The following ITPR3 variants were observed in gnomAD, a reference collection of about 807,000 sequenced individuals.
ITPR3 encodes the protein inositol 1,4,5-trisphosphate-gated calcium channel ITPR3.
In ITPR3, 173 loss-of-function variants were observed where a neutral mutation model predicts 293.2. That is an observed-to-expected ratio of 0.59 (90% CI 0.52 to 0.67). The LOEUF (loss-of-function observed/expected upper bound fraction) is 0.67, where lower values mean the gene tolerates loss of function less well. Among genes scored for constraint, ITPR3 ranks in the 30% least tolerant of loss-of-function variants. The pLI, the probability that ITPR3 is intolerant of heterozygous loss-of-function variation, is 0.00. For missense variants in ITPR3, 2,796 were observed against 3,592.1 expected, an observed-to-expected ratio of 0.78 and a Z score of 5.66; for synonymous variants, 1,295 against 1,444.4, an observed-to-expected ratio of 0.90 and a Z score of 2.35.
At chr6:33,685,288 G>A in intron 39 of ITPR3, 71 bp from the exon 40 acceptor site, 1 of 1,435,356 alleles carries the variant, frequency 7.0e-7, no homozygotes. Flanking sequence ...AGTGTGGTGT[G>A]CCTGCCCCAC....
intron 51 of ITPR3, 120 bp from the exon 52 acceptor site, chr6:33,690,797 G>C: frequency 1.1e-6 from 1 of 888,952 alleles, no homozygotes; most frequent in Non-Finnish European, 1.8e-6. Context: ...GACCTCCCTG[G>C]AGGAGCCTTG....
At chr6:33,641,112 C>T (rs1341987603) in intron 2 of ITPR3, among the ~76,000 whole-genome samples, 3 of 152,242 alleles carry the variant, frequency 2.0e-5, no homozygotes, top group African/African-American at 7.2e-5. Context: ...CAAGTGACTT[C>T]GTTCACGGGA....
chr6:33,646,866 G>A (rs1481302890), intron 2 of ITPR3, among the ~76,000 whole-genome samples: 2 of 152,138 alleles, frequency 1.3e-5, no homozygotes, highest in East Asian at 1.9e-4. Flanking sequence ...GCAGTGAGCC[G>A]TGATTGCACC....
chr6:33,693,638 T>G lies in ITPR3; in HGVS notation c.7718T>G (p.Val2573Gly), dbSNP rs1057006265. 1 of 1,614,242 alleles carries G rather than the reference T, an allele frequency of 6.2e-7. No individual in the cohort carries two copies. The highest frequency in any genetic ancestry group is 8.5e-7 in the Non-Finnish European group (1 of 1,180,040). The change falls in exon 56 of 58, where the codon GTG becomes GGG. Residue 2573 changes from valine (V) to glycine (G), a missense_variant. Transcript: ENST00000605930. ...ATGTGGAACTACTTGTACTTCATTG[T>G]GCTGGTCCGCGTGAAGAACAAGACC... Reference protein sequence around the residue: ...HNMWNYLYFIVLVRVKNKTDY... With the variant: ...HNMWNYLYFIGLVRVKNKTDY...
chr6:33,689,819 C>G (rs895488987), intron 50 of ITPR3, among the ~76,000 whole-genome samples: 5 of 152,206 alleles, frequency 3.3e-5, no homozygotes, highest in Non-Finnish European at 7.3e-5. Flanking sequence ...CTTCTCTGTC[C>G]CCATCCTCCG....
At chr6:33,622,583 C>T (rs559056106) in intron 1 of ITPR3, among the ~76,000 whole-genome samples, 4 of 152,268 alleles carry the variant, frequency 2.6e-5, no homozygotes, top group African/African-American at 9.6e-5. Flanking sequence ...AGTCTGGGGG[C>T]CTGGGTTAAA....
rs1194650758 is a variant in ITPR3 at position 33,655,715 on chromosome 6, C to A, written c.161-51C>A. On this transcript the variant is annotated intron_variant, in intron 2 of 57. Transcript: ENST00000605930. The surrounding 1 kb of genome is among the most constrained non-coding windows in gnomAD (Gnocchi z 4.9). ...GGCTGGGGTTTTCTCCAGGGAGGGC[C>A]CTGAGCCCCAGATGAATCATTCCCC... 1 of 1,611,404 alleles carries A rather than the reference C, an allele frequency of 6.2e-7. No homozygotes were observed. The highest frequency in any genetic ancestry group is 1.1e-5 in the South Asian group (1 of 90,830).
intron 1 of ITPR3, among the ~76,000 whole-genome samples, chr6:33,637,037 T>C (rs1313931807): frequency 1.3e-5 from 2 of 152,080 alleles, no homozygotes; most frequent in Non-Finnish European, 2.9e-5. Flanking sequence ...GCCTGCAAAA[T>C]GGAAATAACA....
Position 33,674,261 on chromosome 6 carries a change from G to A in ITPR3, c.3112G>A (p.Val1038Met). 1 of 1,614,044 alleles carries A rather than the reference G, an allele frequency of 6.2e-7. No homozygotes were observed. Among genetic ancestry groups the A allele is most frequent in the African/African-American group, 1.3e-5 (1 of 75,066 alleles). ...IGEQAEAMFG[V>M]GKTSSMLEVD... ...GGAGCAGGCGGAGGCCATGTTTGGAGTGGGGTGAGGCCAGGGTTGAGCTGC... is the reference window on the plus strand; with the variant it reads ...GGAGCAGGCGGAGGCCATGTTTGGAATGGGGTGAGGCCAGGGTTGAGCTGC... Residue 1038 changes from valine (V) to methionine (M), a missense_variant, in exon 24 of 58, where the codon GTG becomes ATG. By Grantham distance (21) the Val-to-Met change is conservative (BLOSUM62 1). Around this residue, in one of 8 missense-constraint regions of ITPR3, gnomAD observed 955 missense variants for 1,180.8 expected, o/e 0.81. Transcript: ENST00000605930.
intron 2 of ITPR3, among the ~76,000 whole-genome samples, chr6:33,651,984 C>G (rs1361228247): frequency 6.6e-6 from 1 of 152,158 alleles, no homozygotes; most frequent in Non-Finnish European, 1.5e-5. Context: ...CCTGTCTGGA[C>G]TAGGGTTCGA....
chr6:33,678,767 G>C lies in ITPR3; in HGVS notation c.3900G>C (p.Leu1300=). The change falls in exon 30 of 58, where the codon CTG becomes CTC. Residue 1300 remains leucine (L), a synonymous_variant. Transcript: ENST00000605930. The part of the protein sequence containing the change: ...LATHGRHVQY[L]DFLHTVIKAE... ...CGCACGGGCGCCATGTGCAGTACCT[G>C]GACTTCCTGCACACCGTCATTAAGG... 6.2e-7 allele frequency: 1 copy of C among 1,613,584 alleles called. No individual in the cohort carries two copies. The highest frequency in any genetic ancestry group is 8.5e-7 in the Non-Finnish European group (1 of 1,179,900).
Position 33,665,483 on chromosome 6 carries a change from C to T in ITPR3, c.1409+270C>T, listed in dbSNP as rs531769259. 5.3e-5 allele frequency among the ~76,000 whole-genome samples: 8 copies of T among 152,282 alleles called. No individual in the cohort carries two copies. In the South Asian group the frequency reaches 1.0e-3, roughly 20 times the overall value. On this transcript the variant is annotated intron_variant, in intron 13 of 57. Transcript: ENST00000605930. ...ATGGGTCTGAGGCTCAGAGAGGTTA[C>T]GAGACTTGCTCGGGGTCACAGTTAG...
At chr6:33,644,670 T>G (rs35003203) in intron 2 of ITPR3, among the ~76,000 whole-genome samples, 13,706 of 150,220 alleles carry the variant, frequency 0.091, 700 homozygotes, top group Non-Finnish European at 0.12. Context: ...AGGTTTTTTT[T>G]TTTTTTTTTT....
intron 18 of ITPR3, 110 bp downstream of exon 18, chr6:33,669,266 C>G: frequency 8.9e-7 from 1 of 1,124,976 alleles, no homozygotes; most frequent in South Asian, 1.6e-5. Flanking sequence ...AGGTGGGGCT[C>G]CTGCCTCCTC....
rs1267175144 is a variant in ITPR3, at chr6:33,687,090, C to T, written c.6061C>T (p.Arg2021Trp). 1 of 1,613,882 alleles carries T rather than the reference C, an allele frequency of 6.2e-7. No individual in the cohort carries two copies. ...TGCTGAGCGAATCCTCATCAGCCTG[C>T]GGCCCCAGGAGCTGGTGAGGCTGGG... ...ENAERILISL[R>W]PQELVDVIKK... is the part of the protein sequence containing the mutation. The change falls in exon 44 of 58, where the codon CGG becomes TGG. Residue 2021 changes from arginine to tryptophan, a missense_variant. Coordinates refer to ENST00000605930, the MANE Select transcript of ITPR3 (RefSeq NM_002224.4). The surrounding 1 kb of genome is among the most constrained non-coding windows in gnomAD (Gnocchi z 5.3).
intron 55 of ITPR3, among the ~76,000 whole-genome samples, chr6:33,693,118 G>A (rs1765439419): frequency 1.3e-5 from 2 of 152,190 alleles, no homozygotes; most frequent in South Asian, 4.1e-4. Context: ...GGGGTTTCTA[G>A]GTGAGGACAT....
In ITPR3 at chr6:33,680,699, A is replaced by G; in HGVS notation, c.4476+19A>G. On this transcript the variant is annotated intron_variant, in intron 33 of 57. Coordinates refer to ENST00000605930, the MANE Select transcript of ITPR3 (RefSeq NM_002224.4). ...CCTGCAGGTGAGCTTCTCCTCTCCC[A>G]CCACCCCAGGGCCGACTTGCCTAGC... The G allele has an allele frequency of 3.1e-6, 5 of 1,605,390 alleles. No homozygotes were observed. Among genetic ancestry groups the G allele is most frequent in the Non-Finnish European group, 4.3e-6 (5 of 1,173,106 alleles).
Position 33,692,443 on chromosome 6 carries a change from G to C in ITPR3, c.7459-285G>C, listed in dbSNP as rs1048622589. Among the ~76,000 whole-genome samples, 2 of 152,028 alleles carry C rather than the reference G, an allele frequency of 1.3e-5. No individual in the cohort carries two copies. Among genetic ancestry groups the C allele is most frequent in the Non-Finnish European group, 2.9e-5 (2 of 68,006 alleles). ...TAGGGGCAGAGACACACCGAGACTC[G>C]TAGCCCTACCTCCCCGCCAGACTCC... On this transcript the variant is annotated intron_variant, in intron 54 of 57. Coordinates refer to ENST00000605930, the MANE Select transcript of ITPR3 (RefSeq NM_002224.4). The surrounding 1 kb of genome is among the most constrained non-coding windows in gnomAD (Gnocchi z 4.2).
Position 33,670,935 on chromosome 6 carries a change from C to G in ITPR3, c.2586+120C>G. ...CATGACCCCACTTCCTTCTGTGTCCCCAGCCAGTGCAGGGGGACCGCATAG... is the reference window on the plus strand; with the variant it reads ...CATGACCCCACTTCCTTCTGTGTCCGCAGCCAGTGCAGGGGGACCGCATAG... On this transcript the variant is annotated intron_variant, in intron 20 of 57. Coordinates refer to ENST00000605930, the MANE Select transcript of ITPR3 (RefSeq NM_002224.4). The surrounding 1 kb of genome is among the most constrained non-coding windows in gnomAD (Gnocchi z 6.7). 5 of 1,386,476 alleles carry G rather than the reference C, an allele frequency of 3.6e-6. No individual in the cohort carries two copies. The South Asian group carries it at 5.3e-5, about 15-fold the overall frequency. The allele number at this position is 1,386,476 out of a possible 1,614,324, so 85.9% of individuals were successfully genotyped here. A position where few individuals can be genotyped will look rare whatever the true frequency, so the allele number is the denominator to read the frequency against.
Sources: gnomAD v4.1 joint callset for allele counts (sites outside exome capture counted in the v4.1 genomes callset) on GRCh38, gnomAD v4.1.1 for gene constraint, gnomAD v4.1.1 regional missense constraint, Gnocchi (gnomAD v3.1) non-coding constraint, MANE v1.5 for transcripts, NCBI Gene and HGNC (gene_info 2026-07-23, HGNC 2026-07-21) for gene names.